Variants in DSCAM observed in about 807,000 individuals in gnomAD.
DSCAM encodes the protein DS cell adhesion molecule.
A neutral mutation model predicts 217.7 loss-of-function variants in DSCAM; 47 were observed. That is an observed-to-expected ratio of 0.22 (90% CI 0.17 to 0.28). DSCAM has a LOEUF of 0.28. Among genes scored for constraint, DSCAM ranks in the 10% least tolerant of loss-of-function variants. The pLI is 1.00. For missense variants in DSCAM, 2,080 were observed against 2,618.3 expected (o/e 0.79, Z 4.49); for synonymous variants, 1,056 against 1,015.3 (o/e 1.04, Z -0.76).
At chr21:40,790,696 T>C (rs1386925592) in intron 1 of DSCAM, among the ~76,000 whole-genome samples, 1 of 152,204 alleles carries the variant, frequency 6.6e-6, no homozygotes, top group East Asian at 1.9e-4. Context: ...ATGTTGTCTC[T>C]AGTGTAACAC....
At chr21:40,115,807 A>G (rs1461786059) in intron 20 of DSCAM, among the ~76,000 whole-genome samples, 1 of 152,232 alleles carries the variant, frequency 6.6e-6, no homozygotes, top group Non-Finnish European at 1.5e-5. Context: ...TACTGGGTAT[A>G]TACCCAAAGG....
At chr21:40,492,121 A>AT (rs771862851) in intron 3 of DSCAM, among the ~76,000 whole-genome samples, 2 of 151,172 alleles carry the variant, frequency 1.3e-5, no homozygotes, top group Non-Finnish European at 2.9e-5. Context: ...AAATCAAGTG[A>AT]TTTTTCCATT....
chr21:40,787,186 T>A (rs1488377233), intron 1 of DSCAM, among the ~76,000 whole-genome samples: 1 of 152,200 alleles, frequency 6.6e-6, no homozygotes, highest in Non-Finnish European at 1.5e-5. Flanking sequence ...AGAAACACCC[T>A]CAAAAGTGAT....
chr21:40,228,000 G>A (rs2091348323), intron 11 of DSCAM, among the ~76,000 whole-genome samples: 2 of 152,112 alleles, frequency 1.3e-5, no homozygotes, highest in Admixed American at 6.5e-5. Flanking sequence ...TGTTCTTGAT[G>A]ACTGTCAGTC....
intron 3 of DSCAM, among the ~76,000 whole-genome samples, chr21:40,666,550 T>C (rs1225868619): frequency 6.6e-6 from 1 of 152,216 alleles, no homozygotes; most frequent in East Asian, 1.9e-4. Context: ...GCATGGGCAA[T>C]GGCTGCTTCT....
intron 11 of DSCAM, among the ~76,000 whole-genome samples, chr21:40,225,298 C>T (rs552874689): frequency 3.9e-5 from 6 of 152,294 alleles, no homozygotes; most frequent in African/African-American, 9.6e-5. Flanking sequence ...CATCATTTCA[C>T]GGCTGCACCT....
intron 11 of DSCAM, among the ~76,000 whole-genome samples, chr21:40,247,651 T>C (rs1033666603): frequency 1.3e-5 from 2 of 152,222 alleles, no homozygotes; most frequent in African/African-American, 4.8e-5. Flanking sequence ...ACAACCTTCA[T>C]TCCAGCTGCT....
chr21:40,799,087 G>C (rs1233969688), intron 1 of DSCAM, among the ~76,000 whole-genome samples: 1 of 152,088 alleles, frequency 6.6e-6, no homozygotes, highest in African/African-American at 2.4e-5. Context: ...ATGGTATTGA[G>C]GTGTGTAAAG....
chr21:40,403,657 ACACAC>A (rs1569106353), intron 3 of DSCAM, among the ~76,000 whole-genome samples: 1 of 150,994 alleles, frequency 6.6e-6, no homozygotes, highest in South Asian at 2.1e-4. Flanking sequence ...ACACACACAC[ACACAC>A]AATACACATG....
At chr21:40,760,872 G>T (rs578110877) in intron 1 of DSCAM, among the ~76,000 whole-genome samples, 3 of 152,262 alleles carry the variant, frequency 2.0e-5, no homozygotes, top group African/African-American at 7.2e-5. Flanking sequence ...CTGGGACAGG[G>T]TCCCCAAGAC....
At chr21:40,762,794 A>C (rs551853341) in intron 1 of DSCAM, among the ~76,000 whole-genome samples, 40 of 152,214 alleles carry the variant, frequency 2.6e-4, no homozygotes, top group Non-Finnish European at 5.6e-4. Context: ...CCTGGGATGC[A>C]AGGCAGATTC....
intron 20 of DSCAM, among the ~76,000 whole-genome samples, chr21:40,119,441 C>G (rs769539031): frequency 2.0e-5 from 3 of 151,994 alleles, no homozygotes; most frequent in Non-Finnish European, 4.4e-5. Flanking sequence ...TTCCTGAGTA[C>G]GCAGATGGTG....
intron 3 of DSCAM, among the ~76,000 whole-genome samples, chr21:40,688,330 C>T (rs891219359): frequency 2.6e-5 from 4 of 152,124 alleles, no homozygotes; most frequent in Admixed American, 1.3e-4. Flanking sequence ...CCTCCCTAAT[C>T]GGGAGGAAAT....
At chr21:40,711,879 G>C (rs867558537) in intron 1 of DSCAM, among the ~76,000 whole-genome samples, 6 of 152,038 alleles carry the variant, frequency 3.9e-5, no homozygotes, top group African/African-American at 1.2e-4. Flanking sequence ...ACACTCCCAG[G>C]AGGCCTTCTG....
intron 3 of DSCAM, among the ~76,000 whole-genome samples, chr21:40,624,179 C>T (rs1187885510): frequency 2.0e-5 from 3 of 152,108 alleles, no homozygotes; most frequent in Admixed American, 2.0e-4. Context: ...TGCCCCTCAG[C>T]CTCTACACAT....
chr21:40,303,224 G>T (rs778790181), intron 9 of DSCAM, among the ~76,000 whole-genome samples: 6 of 152,060 alleles, frequency 3.9e-5, no homozygotes, highest in Admixed American at 2.6e-4. Context: ...TAGATGGCCT[G>T]GCCTCTGCTT....
intron 10 of DSCAM, among the ~76,000 whole-genome samples, chr21:40,293,112 A>G (rs2123437807): frequency 6.6e-6 from 1 of 152,314 alleles, no homozygotes; most frequent in Non-Finnish European, 1.5e-5. Flanking sequence ...GGAGATATCC[A>G]GTTGCCAGGT....
chr21:40,240,698 A>G (rs2073141024), intron 11 of DSCAM, among the ~76,000 whole-genome samples: 1 of 152,076 alleles, frequency 6.6e-6, no homozygotes, highest in African/African-American at 2.4e-5. Context: ...GTATCCATTG[A>G]TTGCCCTGTG....
rs563354206 is a variant in DSCAM, at chr21:40,527,050, G to A, written c.509-157805C>T. 4.4e-4 allele frequency among the ~76,000 whole-genome samples: 67 copies of A among 152,190 alleles called. 2 individuals carry two copies. The South Asian group carries it at 0.013, about 29-fold the overall frequency. On this transcript the variant is annotated intron_variant, in intron 3 of 32. Coordinates refer to ENST00000400454, the MANE Select transcript of DSCAM (RefSeq NM_001389.5). ...CCATCCCTCTGATCTTTCCAAGCAGGTGGCTCTGGCCTCTGTGTCTCTTTA... is the reference window on the plus strand; with the variant it reads ...CCATCCCTCTGATCTTTCCAAGCAGATGGCTCTGGCCTCTGTGTCTCTTTA...
Sources: allele counts gnomAD v4.1 joint callset (sites outside exome capture counted in the v4.1 genomes callset), GRCh38; gene constraint gnomAD v4.1.1; transcripts MANE v1.5; gene names NCBI Gene and HGNC (gene_info 2026-07-23, HGNC 2026-07-21).